Variants in WASHC2C observed in about 807,000 individuals in gnomAD.
WASHC2C encodes WASH complex subunit 2C.
WASHC2C carries 73 observed loss-of-function variants against 142.2 expected under a neutral mutation model. The observed-to-expected ratio is 0.51, with a 90% CI of 0.43 to 0.62. The LOEUF is 0.62. WASHC2C is among the 20% of genes least tolerant of loss of function. The pLI, the probability that WASHC2C is intolerant of heterozygous loss-of-function variation, is 0.00. For missense variants in WASHC2C, 969 were observed against 1,531.7 expected (o/e 0.63, Z 6.13); for synonymous variants, 337 against 565.5 (o/e 0.60, Z 5.73).
Position 45,754,946 on chromosome 10 carries a change from T to A in WASHC2C, c.1251T>A (p.Asp417Glu). 6.2e-7 allele frequency: 1 copy of A among 1,611,978 alleles called. No individual in the cohort carries two copies. Among genetic ancestry groups the A allele is most frequent in the South Asian group, 1.1e-5 (1 of 90,978 alleles). The change falls in exon 15 of 31, where the codon GAT becomes GAA. Residue 417 changes from aspartate (D) to glutamate (E), a missense_variant. Physicochemically the swap from Asp to Glu is conservative, Grantham distance 45 (BLOSUM62 2). Transcript: ENST00000623400. The part of the protein sequence containing the change: ...GAVSVFLGDT[D>E]VFGAASVPSL... ...TCCCTTCACTCACAGGAGACACGGA[T>A]GTGTTTGGTGCTGCCTCCGTTCCAT...
At chr10:45,751,261 A>C (rs1344389309) in intron 10 of WASHC2C, among the ~76,000 whole-genome samples, 4 of 150,918 alleles carry the variant, frequency 2.7e-5, no homozygotes, top group Non-Finnish European at 5.9e-5. Context: ...TGTTATGCAC[A>C]TGAGCCTGGT....
chr10:45,763,056 T>C (rs1554880696), intron 17 of WASHC2C, among the ~76,000 whole-genome samples: 1 of 152,004 alleles, frequency 6.6e-6, no homozygotes, highest in Admixed American at 6.5e-5. Context: ...TGGGAAGCCA[T>C]GCTTATATAT....
In WASHC2C at chr10:45,750,856, T is replaced by C. The variant is rs781885662; in HGVS notation, c.931+18T>C. 5 of 1,545,098 alleles carry C rather than the reference T, an allele frequency of 3.2e-6. 1 individual carries two copies. The highest frequency in any genetic ancestry group is 4.9e-5 in the East Asian group (2 of 40,782). ...GCCGACAAGTGAGCCCCAGCCACGTTGATGGGGAGTAGGGGAGGAGTAGTG... is the reference window on the plus strand; with the variant it reads ...GCCGACAAGTGAGCCCCAGCCACGTCGATGGGGAGTAGGGGAGGAGTAGTG... On this transcript the variant is annotated intron_variant, in intron 10 of 30. Transcript: ENST00000623400.
At chr10:45,738,113 A>G (rs533333919) in intron 4 of WASHC2C, 68 bp downstream of exon 4, 3 of 1,512,262 alleles carry the variant, frequency 2.0e-6, no homozygotes, top group Admixed American at 1.7e-5. Context: ...TCGATGTGTT[A>G]TGTGGGAACT....
chr10:45,764,432 G>C (rs2055538372), intron 18 of WASHC2C, among the ~76,000 whole-genome samples: 1 of 151,822 alleles, frequency 6.6e-6, no homozygotes, highest in Admixed American at 6.6e-5. Context: ...AGGGTGAGCT[G>C]TACTTTAGTC....
At chr10:45,785,390 G>C (rs1307636222) in intron 25 of WASHC2C, 119 bp from the exon 26 acceptor site, 1 of 1,176,708 alleles carries the variant, frequency 8.5e-7, no homozygotes, top group African/African-American at 1.5e-5. Context: ...AGTTGGTTCA[G>C]CCCTCATTTG....
chr10:45,727,514 G>T lies in WASHC2C; in HGVS notation c.101G>T (p.Ser34Ile), dbSNP rs1474003552. 2.6e-5 allele frequency: 42 copies of T among 1,596,558 alleles called. No individual in the cohort carries two copies. Among genetic ancestry groups the T allele is most frequent in the Non-Finnish European group, 3.6e-5 (42 of 1,173,080 alleles). ...GAGGAGATCCGCAGGAGCAGCCAGA[G>T]CTGGTCGCTGGCGGCCGACGCGGGC... ...SVEEIRRSSQ[S>I]WSLAADAGLL... The change falls in exon 2 of 31, where the codon AGC (serine) becomes ATC (isoleucine). Residue 34 changes from serine (S) to isoleucine (I), a missense_variant. Physicochemically the swap from Ser to Ile is moderately radical, Grantham distance 142. Transcript: ENST00000623400.
chr10:45,735,786 C>T (rs1253998214), intron 3 of WASHC2C, among the ~76,000 whole-genome samples: 1 of 152,144 alleles, frequency 6.6e-6, no homozygotes, highest in South Asian at 2.1e-4. Flanking sequence ...TTGGCAGATA[C>T]TTAAAGATGG....
At chr10:45,735,259 C>T (rs2051074455) in intron 3 of WASHC2C, among the ~76,000 whole-genome samples, 2 of 151,016 alleles carry the variant, frequency 1.3e-5, no homozygotes, top group Non-Finnish European at 1.5e-5. Flanking sequence ...AATAGAGTTT[C>T]AGTCTTGTTG....
chr10:45,785,456 C>G, intron 25 of WASHC2C, 53 bp from the exon 26 acceptor site: 1 of 1,604,184 alleles, frequency 6.2e-7, no homozygotes, highest in Non-Finnish European at 8.5e-7. Flanking sequence ...ATGATTTTTC[C>G]TTAAAACTTC....
intron 3 of WASHC2C, among the ~76,000 whole-genome samples, chr10:45,731,118 T>A (rs1320619935): frequency 1.3e-5 from 2 of 148,210 alleles, no homozygotes; most frequent in Non-Finnish European, 3.0e-5. Flanking sequence ...TTTGTGGAGT[T>A]TTTTTGGTTT....
At position 45,735,472 on chromosome 10, in the gene WASHC2C, C is replaced by T. The variant is rs528929178; in HGVS notation, c.292-2511C>T. Among the ~76,000 whole-genome samples, 7 of 143,456 alleles carry T rather than the reference C, an allele frequency of 4.9e-5. No individual in the cohort carries two copies. In the East Asian group the frequency reaches 1.5e-3, roughly 30 times the overall value. The allele number at this position is 143,456 out of a possible 152,430, so 94.1% of individuals were successfully genotyped here. ...GCCAGGCTGGTCTCAAACTCCTGAC[C>T]GCAGGTGATCCCAAAGTGCTGGGAT... On this transcript the variant is annotated intron_variant, in intron 3 of 30. Coordinates refer to ENST00000623400, the MANE Select transcript of WASHC2C (RefSeq NM_001330074.2).
At chr10:45,743,254 C>T (rs1292095852) in intron 5 of WASHC2C, 136 bp from the exon 6 acceptor site, 13 of 1,387,472 alleles carry the variant, frequency 9.4e-6, no homozygotes, top group Admixed American at 7.8e-5. Flanking sequence ...AACTTTTAGT[C>T]CTGCTGTGTT....
At chr10:45,750,702 G>A (rs1220505979) in intron 9 of WASHC2C, 49 bp from the exon 10 acceptor site, 4 of 1,515,950 alleles carry the variant, frequency 2.6e-6, no homozygotes, top group South Asian at 1.2e-5. Flanking sequence ...AAAGTGAAGT[G>A]TACTAGTTTG....
In WASHC2C at chr10:45,739,323, C is replaced by T. The variant is rs1320759660; in HGVS notation, c.355-750C>T. On this transcript the variant is annotated intron_variant, in intron 4 of 30. Transcript: ENST00000623400. ...TTTTTGCCTTTGGCCCTCAGAACAA[C>T]ACTGTGTGGTTTGGTTCCTTCTAGA... is the stretch of plus-strand genomic sequence containing the variant. Among the ~76,000 whole-genome samples, 4 of 144,416 alleles carry T rather than the reference C, an allele frequency of 2.8e-5. No homozygotes were observed. The Admixed American group carries it at 2.8e-4, about 10-fold the overall frequency. 94.7% of individuals were successfully genotyped at this position (144,416 alleles called of 152,430 possible).
At chr10:45,765,656 C>T (rs2055711919) in intron 18 of WASHC2C, 23 bp from the exon 19 acceptor site, 1 of 1,611,110 alleles carries the variant, frequency 6.2e-7, no homozygotes, top group Admixed American at 1.7e-5. Flanking sequence ...GTTGTCTTAC[C>T]TTTCTGCCAT....
Position 45,784,863 on chromosome 10 carries a change from G to A in WASHC2C, c.2650G>A (p.Asp884Asn), listed in dbSNP as rs550948634. The change falls in exon 25 of 31, where the codon GAT (aspartate) becomes AAT (asparagine). Residue 884 changes from aspartate (D) to asparagine (N), a missense_variant. Coordinates refer to ENST00000623400, the MANE Select transcript of WASHC2C (RefSeq NM_001330074.2). ...SVGSLFGDDE[D>N]DDLFSSAKSQ... ...TGGGAGCCTGTTTGGGGATGATGAA[G>A]ATGATGATCTTTTCAGCTCTGCCAA... 200 of 1,609,058 alleles carry A rather than the reference G, an allele frequency of 1.2e-4. 1 individual carries two copies. Among genetic ancestry groups the A allele is most frequent in the Non-Finnish European group, 5.1e-6 (6 of 1,178,142 alleles).
intron 3 of WASHC2C, among the ~76,000 whole-genome samples, chr10:45,734,379 G>GTGTT (rs1278138381): frequency 6.6e-6 from 1 of 151,826 alleles, no homozygotes; most frequent in Non-Finnish European, 1.5e-5. Context: ...GTGTGTGTGT[G>GTGTT]TGTGTGTATT....
intron 3 of WASHC2C, among the ~76,000 whole-genome samples, 189 bp from the exon 4 acceptor site, chr10:45,737,794 A>G (rs1554865410): frequency 6.8e-6 from 1 of 146,372 alleles, no homozygotes; most frequent in Non-Finnish European, 1.5e-5. Context: ...TTTTTGGTGA[A>G]TGGACTATTC....
Sources: allele counts gnomAD v4.1 joint callset (sites outside exome capture counted in the v4.1 genomes callset), GRCh38; gene constraint gnomAD v4.1.1; transcripts MANE v1.5; gene names NCBI Gene and HGNC (gene_info 2026-07-23, HGNC 2026-07-21).